Variants in FMC1 observed in about 807,000 individuals in gnomAD.
The protein encoded by FMC1 is protein FMC1 homolog.
Under a neutral mutation model 10.5 loss-of-function variants are expected in FMC1, and 6 were observed. The ratio of observed to expected loss-of-function variants is 0.57; its 90% CI spans 0.31 to 1.12. The LOEUF is 1.12. FMC1 is among the 50% of genes most tolerant of loss of function. The pLI is 0.05. For synonymous variants in FMC1, 59 were observed against 62.1 expected, an observed-to-expected ratio of 0.95 and a Z score of 0.24; for missense variants, 146 against 151.7, an observed-to-expected ratio of 0.96 and a Z score of 0.20.
upstream of FMC1, among the ~76,000 whole-genome samples, chr7:139,340,908 A>C (rs551253373): frequency 6.6e-6 from 1 of 151,706 alleles, no homozygotes; most frequent in Non-Finnish European, 1.5e-5. Flanking sequence ...ATCTGCACAC[A>C]CCCATGTCCT....
chr7:139,342,507 T>G (rs1268122601), intron 1 of FMC1, among the ~76,000 whole-genome samples: 2 of 152,250 alleles, frequency 1.3e-5, no homozygotes, highest in Non-Finnish European at 2.9e-5. Context: ...GAACTTAAAC[T>G]TTATTGTAAG....
At position 139,341,378 on chromosome 7, in the gene FMC1, C is replaced by T. The variant is rs1410349347; in HGVS notation, c.-7C>T. ...GTTGGGCACCACGCTCGGAGAAGGA[C>T]AGGACAATGGCGGCCTTAGGGTCCC... On this transcript the variant is annotated 5_prime_UTR_variant, in exon 1 of 2. Coordinates refer to ENST00000297534, the MANE Select transcript of FMC1 (RefSeq NM_197964.5). The T allele has an allele frequency of 6.2e-7, 1 of 1,611,202 alleles. No individual in the cohort carries two copies. The highest frequency in any genetic ancestry group is 1.1e-5 in the South Asian group (1 of 90,996).
Position 139,341,381 on chromosome 7 carries a change from G to C in FMC1, c.-4G>C. The C allele has an allele frequency of 1.2e-6, 2 of 1,612,360 alleles. No homozygotes were observed. Among genetic ancestry groups the C allele is most frequent in the Non-Finnish European group, 1.7e-6 (2 of 1,179,466 alleles). Reference sequence around the variant, plus strand: ...GGGCACCACGCTCGGAGAAGGACAGGACAATGGCGGCCTTAGGGTCCCCGT... The same window carrying C: ...GGGCACCACGCTCGGAGAAGGACAGCACAATGGCGGCCTTAGGGTCCCCGT... On this transcript the variant is annotated 5_prime_UTR_variant, in exon 1 of 2. Coordinates refer to ENST00000297534, the MANE Select transcript of FMC1 (RefSeq NM_197964.5).
chr7:139,341,300 C>CATTAGGCGCCT (rs1798942434), upstream of FMC1: 1 of 1,527,152 alleles, frequency 6.5e-7, no homozygotes, highest in Non-Finnish European at 8.8e-7. Context: ...TCTGTCCGAC[C>CATTAGGCGCCT]GTACCATTAG....
chr7:139,343,441 A>G (rs1022154507), intron 1 of FMC1, among the ~76,000 whole-genome samples: 1 of 152,278 alleles, frequency 6.6e-6, no homozygotes, highest in South Asian at 2.1e-4. Context: ...TCCAGGCGTG[A>G]TGGCCCATCC....
upstream of FMC1, among the ~76,000 whole-genome samples, chr7:139,340,776 T>G (rs1798903089): frequency 1.3e-5 from 2 of 151,800 alleles, no homozygotes; most frequent in Non-Finnish European, 2.9e-5. Context: ...TGGGGTGGCC[T>G]GTGACTTTTG....
chr7:139,341,294 TCCG>T (rs1798941815), upstream of FMC1: 1 of 1,519,596 alleles, frequency 6.6e-7, no homozygotes, highest in Non-Finnish European at 8.8e-7. Context: ...CGGTAGTCTG[TCCG>T]ACCGTACCAT....
chr7:139,344,695 CTTTTT>C (rs1026301999), intron 1 of FMC1, among the ~76,000 whole-genome samples: 1 of 116,360 alleles, frequency 8.6e-6, no homozygotes, highest in Non-Finnish European at 1.8e-5. Flanking sequence ...AATTTTCTTT[CTTTTT>C]TTTTTTTTTT....
At chr7:139,340,644 G>A (rs1798890460), upstream of FMC1, 1 of 396,560 alleles carries the variant, frequency 2.5e-6, no homozygotes, top group African/African-American at 2.1e-5. Context: ...AAGTGACGAT[G>A]ACGTACCAAA....
chr7:139,343,956 G>T (rs1397992333), intron 1 of FMC1, among the ~76,000 whole-genome samples: 4 of 151,296 alleles, frequency 2.6e-5, no homozygotes, highest in Non-Finnish European at 5.9e-5. Context: ...AGAGTTGGTG[G>T]GGGGCGTATT....
In FMC1 at chr7:139,343,375, A is replaced by G. The variant is rs1799095889; in HGVS notation, c.138+1853A>G. On this transcript the variant is annotated intron_variant, in intron 1 of 1. Transcript: ENST00000297534. ...CTGCAGATCCTAAAACCCACATTCT[A>G]ACAGCATGGGCAACATAGTGTAGTG... Among the ~76,000 whole-genome samples, 4 of 152,220 alleles carry G rather than the reference A, an allele frequency of 2.6e-5. No homozygotes were observed. The South Asian group carries it at 8.3e-4, about 32-fold the overall frequency.
At chr7:139,340,686 C>T (rs191293826), upstream of FMC1, 190 of 393,018 alleles carry the variant, frequency 4.8e-4, no homozygotes, top group East Asian at 3.7e-3. Context: ...TGTGTGAGCG[C>T]GTCGTTTGCA....
chr7:139,340,742 G>A, upstream of FMC1: 1 of 379,828 alleles, frequency 2.6e-6, no homozygotes, highest in East Asian at 3.8e-5. Flanking sequence ...TCCTAAGCCA[G>A]GGATTGTGGG....
rs549988717 is a variant in FMC1 at position 139,344,574 on chromosome 7, G to A, written c.139-927G>A. Among the ~76,000 whole-genome samples the A allele has an allele frequency of 8.5e-5, 13 of 152,070 alleles. No individual in the cohort carries two copies. In the South Asian group the frequency reaches 2.7e-3, roughly 32 times the overall value. ...CCAAAGATGCAGAACCCATGGATAT[G>A]GAGGGCCAATTGTAATAAGTAATAT... On this transcript the variant is annotated intron_variant, in intron 1 of 1. Coordinates refer to ENST00000297534, the MANE Select transcript of FMC1 (RefSeq NM_197964.5).
chr7:139,340,696 A>C (rs1415861523), upstream of FMC1: 3 of 392,428 alleles, frequency 7.6e-6, no homozygotes, highest in East Asian at 1.1e-4. Context: ...CGTCGTTTGC[A>C]GAAGCCCCAG....
At chr7:139,340,563 A>G (rs555315388), upstream of FMC1, 5 of 398,094 alleles carry the variant, frequency 1.3e-5, no homozygotes, top group South Asian at 4.0e-4. Flanking sequence ...CTCTAACTAC[A>G]ACTCCCAGCA....
rs112686545 is a variant in FMC1, at chr7:139,345,707, A to G, written c.*3A>G. The G allele has an allele frequency of 1.9e-6, 3 of 1,613,804 alleles. No homozygotes were observed. Among genetic ancestry groups the G allele is most frequent in the Non-Finnish European group, 2.5e-6 (3 of 1,179,874 alleles). On this transcript the variant is annotated 3_prime_UTR_variant, in exon 2 of 2. Transcript: ENST00000297534. ...GAGGGAAGGGCTGGGAGCCATGAAC[A>G]TGGAGAATATCCTTGGATGCTGCAT... is the stretch of plus-strand genomic sequence containing the variant.
intron 1 of FMC1, among the ~76,000 whole-genome samples, 196 bp downstream of exon 1, chr7:139,341,718 G>T (rs769410289): frequency 8.9e-5 from 13 of 146,076 alleles, no homozygotes; most frequent in Middle Eastern, 3.5e-3. Flanking sequence ...AGGACCAGCG[G>T]GGGGGGGCGC....
intron 1 of FMC1, among the ~76,000 whole-genome samples, chr7:139,344,133 G>GA (rs36006914): frequency 6.6e-6 from 1 of 152,000 alleles, no homozygotes; most frequent in Non-Finnish European, 1.5e-5. Flanking sequence ...GTATGATGAA[G>GA]AAAAAAGGTT....
Sources: gnomAD v4.1 joint callset for allele counts (sites outside exome capture counted in the v4.1 genomes callset) on GRCh38, gnomAD v4.1.1 for gene constraint, MANE v1.5 for transcripts, NCBI Gene and HGNC (gene_info 2026-07-23, HGNC 2026-07-21) for gene names.